The following DGKD variants were observed in gnomAD, a reference collection of about 807,000 sequenced individuals.
DGKD encodes diacylglycerol kinase delta, also known as DAG kinase delta.
DGKD carries 68 observed loss-of-function variants against 154.4 expected under a neutral mutation model. That is an observed-to-expected ratio of 0.44 (90% CI 0.36 to 0.54). The LOEUF (loss-of-function observed/expected upper bound fraction) is 0.54. DGKD is among the 20% of genes least tolerant of loss of function. DGKD has a pLI of 0.00. For synonymous variants in DGKD, 693 were observed against 638.0 expected, an observed-to-expected ratio of 1.09 and a Z score of -1.30; for missense variants, 1,343 against 1,593.6, an observed-to-expected ratio of 0.84 and a Z score of 2.68.
chr2:233,383,185 T>C (rs1702990496), intron 1 of DGKD, among the ~76,000 whole-genome samples: 1 of 151,932 alleles, frequency 6.6e-6, no homozygotes, highest in Admixed American at 6.6e-5. Context: ...GGATTACAGG[T>C]ATCCGCCACC....
intron 27 of DGKD, among the ~76,000 whole-genome samples, chr2:233,465,583 C>T (rs2063799664): frequency 1.3e-5 from 2 of 152,094 alleles, no homozygotes; most frequent in Admixed American, 6.5e-5. Flanking sequence ...GAGACCCTGT[C>T]TCTATTAAAA....
At chr2:233,381,671 C>A (rs1272836164) in intron 1 of DGKD, among the ~76,000 whole-genome samples, 1 of 152,188 alleles carries the variant, frequency 6.6e-6, no homozygotes, top group African/African-American at 2.4e-5. Context: ...GTTTTGTGAA[C>A]AAATTATTTT....
intron 10 of DGKD, among the ~76,000 whole-genome samples, chr2:233,443,041 G>A (rs2062952310): frequency 1.3e-5 from 2 of 152,310 alleles, no homozygotes; most frequent in Middle Eastern, 3.4e-3. Context: ...GTGTGAGCAC[G>A]GAGATCACTT....
Position 233,450,019 on chromosome 2 carries a change from G to A in DGKD, c.1926G>A (p.Glu642=). The A allele has an allele frequency of 6.2e-7, 1 of 1,612,892 alleles. No homozygotes were observed. Among genetic ancestry groups the A allele is most frequent in the Non-Finnish European group, 8.5e-7 (1 of 1,179,282 alleles). Residue 642 remains glutamate (E), a synonymous_variant, in exon 16 of 30, where the codon GAG becomes GAA. Coordinates refer to ENST00000264057, the MANE Select transcript of DGKD (RefSeq NM_152879.3). ...DEQNAQTQEQ[E]GFVLGLSESE... Reference sequence around the variant, plus strand: ...AGAATGCCCAGACCCAGGAGCAGGAGGGCTTCGTCCTGGGCCTCTCTGAGT... The same window carrying A: ...AGAATGCCCAGACCCAGGAGCAGGAAGGCTTCGTCCTGGGCCTCTCTGAGT...
chr2:233,413,590 C>T (rs755659774), intron 3 of DGKD, among the ~76,000 whole-genome samples: 6 of 152,172 alleles, frequency 3.9e-5, no homozygotes, highest in Admixed American at 6.5e-5. Flanking sequence ...ACCAAATAGC[C>T]ACACTGTAAA....
At chr2:233,396,277 G>A (rs976913164) in intron 3 of DGKD, among the ~76,000 whole-genome samples, 1 of 152,184 alleles carries the variant, frequency 6.6e-6, no homozygotes, top group East Asian at 1.9e-4. Flanking sequence ...TCCAGTTTGG[G>A]CTTTCCAGCT....
intron 4 of DGKD, 79 bp from the exon 5 acceptor site, chr2:233,434,690 T>C: frequency 6.4e-7 from 1 of 1,568,424 alleles, no homozygotes; most frequent in Non-Finnish European, 8.7e-7. Flanking sequence ...GGATACTTTG[T>C]TTAATCTTGT....
At chr2:233,407,625 G>C (rs545555059) in intron 3 of DGKD, among the ~76,000 whole-genome samples, 1 of 152,256 alleles carries the variant, frequency 6.6e-6, no homozygotes, top group Non-Finnish European at 1.5e-5. Flanking sequence ...AAATTATCCA[G>C]GTACGGAGGC....
At position 233,470,177 on chromosome 2, in the gene DGKD, C is replaced by T. The variant is rs1051890878; in HGVS notation, c.*717C>T. ...CTCTCCTCCCGCTCCTCCCTCCCCC[C>T]ACTGTGGGCTGGGGACGCCTGCCCT... On this transcript the variant is annotated 3_prime_UTR_variant, in exon 30 of 30. Transcript: ENST00000264057. The T allele has an allele frequency of 1.3e-5, 2 of 152,654 alleles. No homozygotes were observed. The highest frequency in any genetic ancestry group is 4.8e-5 in the African/African-American group (2 of 41,480). The allele number at this position is 152,654 out of a possible 1,614,324, so 9.5% of individuals were successfully genotyped here. A position where few individuals can be genotyped will look rare whatever the true frequency, so the allele number is the denominator to read the frequency against.
At chr2:233,454,171 G>A (rs1049703260) in intron 18 of DGKD, among the ~76,000 whole-genome samples, 3 of 152,240 alleles carry the variant, frequency 2.0e-5, no homozygotes, top group Non-Finnish European at 2.9e-5. Context: ...ACATGTCCAC[G>A]CTAGAAGCTG....
chr2:233,436,553 G>A (rs987714227), intron 7 of DGKD, 112 bp downstream of exon 7: 2 of 1,423,862 alleles, frequency 1.4e-6, no homozygotes, highest in Admixed American at 2.7e-5. Context: ...TAATCCCAGA[G>A]GCCCCTCCGG....
rs1257899946 is a variant in DGKD at position 233,438,963 on chromosome 2, TA to T, written c.1085+586del. 7.2e-5 allele frequency among the ~76,000 whole-genome samples: 11 copies of T among 152,242 alleles called. No homozygotes were observed. The highest frequency in any genetic ancestry group is 1.2e-4 in the Non-Finnish European group (8 of 68,038). On this transcript the variant is annotated intron_variant, in intron 9 of 29. Transcript: ENST00000264057. The surrounding 1 kb of genome is among the most constrained non-coding windows in gnomAD (Gnocchi z 4.1). ...GCAGGTGCTGCAAGGCAGGAACACG[TA>T]AGGGCGGCGTTGGGCCAGAGCGATT...
chr2:233,423,768 C>T (rs1385698823), intron 3 of DGKD, among the ~76,000 whole-genome samples: 1 of 152,072 alleles, frequency 6.6e-6, no homozygotes, highest in Non-Finnish European at 1.5e-5. Flanking sequence ...CTTCCTGGAT[C>T]CTTGGCCTGG....
intron 1 of DGKD, 59 bp from the exon 2 acceptor site, chr2:233,388,198 G>A (rs755328288): frequency 2.5e-5 from 39 of 1,584,084 alleles, no homozygotes; most frequent in Non-Finnish European, 3.0e-5. Context: ...CGTTTCAGCC[G>A]GAAGAGTGAA....
chr2:233,366,242 C>CTT (rs1702021833), intron 1 of DGKD, among the ~76,000 whole-genome samples: 1 of 152,166 alleles, frequency 6.6e-6, no homozygotes, highest in African/African-American at 2.4e-5. Flanking sequence ...GGACCATGAC[C>CTT]TAATTGGATC....
intron 1 of DGKD, among the ~76,000 whole-genome samples, chr2:233,358,825 C>G (rs1701642356): frequency 6.6e-6 from 1 of 152,152 alleles, no homozygotes; most frequent in Admixed American, 6.5e-5. Context: ...GTTATTTCTA[C>G]TTTTTGGCTA....
In DGKD at chr2:233,440,133, C is replaced by T. The variant is rs142903277; in HGVS notation, c.1085+1754C>T. 3.2e-4 allele frequency among the ~76,000 whole-genome samples: 48 copies of T among 152,240 alleles called. No individual in the cohort carries two copies. The East Asian group carries it at 9.3e-3, about 29-fold the overall frequency. ...TGAGATGGGATGATTTAGGAAGCCCCCACAGCGGCGTAAGGGGAGTTGAGT... is the reference window on the plus strand; with the variant it reads ...TGAGATGGGATGATTTAGGAAGCCCTCACAGCGGCGTAAGGGGAGTTGAGT... On this transcript the variant is annotated intron_variant, in intron 9 of 29. Transcript: ENST00000264057. This position sits in a 1 kb window ranked among gnomAD's most constrained non-coding sequence, Gnocchi z 4.9.
In DGKD at chr2:233,454,790, G is replaced by A. The variant is rs201977534; in HGVS notation, c.2292G>A (p.Met764Ile). The A allele has an allele frequency of 6.8e-6, 11 of 1,613,352 alleles. No individual in the cohort carries two copies. In the Admixed American group the frequency reaches 1.8e-4, roughly 27 times the overall value. The change falls in exon 19 of 30, where the codon ATG becomes ATA. Residue 764 changes from methionine to isoleucine, a missense_variant. Transcript: ENST00000264057. ...TLEYYTEKCV[M>I]NNYFGIGLDA... ...AGTATTACACGGAGAAATGTGTCAT[G>A]AACAACTATTTTGGCATTGGCCTGG...
chr2:233,427,529 A>G (rs988583709), intron 3 of DGKD, among the ~76,000 whole-genome samples: 2 of 151,750 alleles, frequency 1.3e-5, no homozygotes, highest in Non-Finnish European at 2.9e-5. Context: ...TTAGTTAGAG[A>G]TGGAGTTTTA....
Sources: allele counts gnomAD v4.1 joint callset (sites outside exome capture counted in the v4.1 genomes callset), GRCh38; gene constraint gnomAD v4.1.1; non-coding constraint Gnocchi (gnomAD v3.1); transcripts MANE v1.5; gene names NCBI Gene and HGNC (gene_info 2026-07-23, HGNC 2026-07-21).